The following ARNT2 variants were observed in gnomAD, a reference collection of about 807,000 sequenced individuals.
ARNT2 encodes the protein ARNT protein 2.
Under a neutral mutation model 91.7 loss-of-function variants are expected in ARNT2, and 36 were observed. That is an observed-to-expected ratio of 0.39 (90% CI 0.30 to 0.52). The LOEUF is 0.52. Among genes scored for constraint, ARNT2 ranks in the 20% least tolerant of loss-of-function variants. The pLI is 0.72. For synonymous variants in ARNT2, 365 were observed against 347.1 expected (o/e 1.05, Z -0.57); for missense variants, 775 against 939.3 (o/e 0.83, Z 2.29).
intron 5 of ARNT2, among the ~76,000 whole-genome samples, chr15:80,494,376 G>C (rs1352216947): frequency 6.6e-6 from 1 of 152,114 alleles, no homozygotes; most frequent in African/African-American, 2.4e-5. Flanking sequence ...ATGTCAGCCT[G>C]GTCTCCTGGC....
chr15:80,592,457 A>G (rs1367067780), intron 18 of ARNT2, among the ~76,000 whole-genome samples: 5 of 152,220 alleles, frequency 3.3e-5, no homozygotes, highest in Non-Finnish European at 5.9e-5. Flanking sequence ...TGCATGCCCC[A>G]GGCCTGCCCT....
intron 2 of ARNT2, among the ~76,000 whole-genome samples, chr15:80,451,204 T>G (rs920339709): frequency 1.3e-5 from 2 of 152,234 alleles, no homozygotes; most frequent in Non-Finnish European, 2.9e-5. Context: ...TCTGTTTGCT[T>G]GTCCTTGTGG....
chr15:80,504,624 T>C (rs1034484587), intron 5 of ARNT2, among the ~76,000 whole-genome samples: 1 of 151,918 alleles, frequency 6.6e-6, no homozygotes, highest in African/African-American at 2.4e-5. Context: ...AAAAACAAGC[T>C]GGGCATGGGG....
In ARNT2 at chr15:80,591,783, C is replaced by T; in HGVS notation, c.2055+79C>T. The T allele has an allele frequency of 1.9e-6, 3 of 1,580,086 alleles. No individual in the cohort carries two copies. The highest frequency in any genetic ancestry group is 1.2e-5 in the South Asian group (1 of 86,524). ...CCTTTCCCCCTCGGTCTCTGCCGCA[C>T]CACCGCCTGCCCGATAGCCGTCGTG... On this transcript the variant is annotated intron_variant, in intron 18 of 18. Coordinates refer to ENST00000303329, the MANE Select transcript of ARNT2 (RefSeq NM_014862.4). This position sits in a 1 kb window ranked among gnomAD's most constrained non-coding sequence, Gnocchi z 5.1.
At chr15:80,500,714 T>C (rs530161321) in intron 5 of ARNT2, among the ~76,000 whole-genome samples, 1 of 152,358 alleles carries the variant, frequency 6.6e-6, no homozygotes, top group Non-Finnish European at 1.5e-5. Context: ...AGAGAATGCA[T>C]TTTTGTGAAG....
At chr15:80,405,767 T>G (rs1895591246) in intron 1 of ARNT2, among the ~76,000 whole-genome samples, 1 of 152,120 alleles carries the variant, frequency 6.6e-6, no homozygotes, top group South Asian at 2.1e-4. Context: ...GATTTAACAC[T>G]GAGTTGTTTG....
intron 1 of ARNT2, among the ~76,000 whole-genome samples, chr15:80,424,856 C>T (rs1228645845): frequency 2.6e-5 from 4 of 151,860 alleles, no homozygotes; most frequent in East Asian, 1.9e-4. Context: ...AATTGAAACC[C>T]GGAATCTTTG....
intron 1 of ARNT2, among the ~76,000 whole-genome samples, chr15:80,439,552 A>G (rs941756812): frequency 6.6e-6 from 1 of 152,218 alleles, no homozygotes; most frequent in Non-Finnish European, 1.5e-5. Flanking sequence ...CTATAACATT[A>G]TCTTTGAAAT....
chr15:80,568,351 CTT>C (rs1392288871), intron 12 of ARNT2, among the ~76,000 whole-genome samples: 1 of 152,206 alleles, frequency 6.6e-6, no homozygotes, highest in Non-Finnish European at 1.5e-5. Flanking sequence ...GAAGTTATCT[CTT>C]TGTGTCTGTT....
At chr15:80,551,053 A>T in intron 8 of ARNT2, 146 bp from the exon 9 acceptor site, 1 of 680,676 alleles carries the variant, frequency 1.5e-6, no homozygotes, top group Non-Finnish European at 2.6e-6. Context: ...TGAGTGAGGA[A>T]CTGGTTAATT....
At chr15:80,547,356 A>G (rs901546253) in intron 8 of ARNT2, among the ~76,000 whole-genome samples, 4 of 152,222 alleles carry the variant, frequency 2.6e-5, no homozygotes, top group Non-Finnish European at 5.9e-5. Flanking sequence ...AAAAATGTTT[A>G]AATGCCGGCT....
At chr15:80,529,772 A>G (rs1323719045) in intron 8 of ARNT2, among the ~76,000 whole-genome samples, 1 of 152,096 alleles carries the variant, frequency 6.6e-6, no homozygotes, top group African/African-American at 2.4e-5. Context: ...TTTCCCTGCC[A>G]CTTAGATTTT....
chr15:80,490,780 C>G (rs1353878972), intron 5 of ARNT2, among the ~76,000 whole-genome samples: 1 of 152,244 alleles, frequency 6.6e-6, no homozygotes, highest in Non-Finnish European at 1.5e-5. Context: ...GCACAAGTCA[C>G]TGCACTAGAA....
chr15:80,569,705 G>A (rs1459180594), intron 12 of ARNT2, among the ~76,000 whole-genome samples: 1 of 152,232 alleles, frequency 6.6e-6, no homozygotes, highest in Non-Finnish European at 1.5e-5. Context: ...AAGAGGAACA[G>A]AACTGAAAGC....
At chr15:80,492,819 A>G (rs1897075937) in intron 5 of ARNT2, among the ~76,000 whole-genome samples, 1 of 152,114 alleles carries the variant, frequency 6.6e-6, no homozygotes, top group Non-Finnish European at 1.5e-5. Flanking sequence ...TTCTGAAATC[A>G]TGTTTTTCAT....
chr15:80,516,590 A>G (rs1897437680), intron 8 of ARNT2, among the ~76,000 whole-genome samples: 1 of 151,916 alleles, frequency 6.6e-6, no homozygotes, highest in Admixed American at 6.6e-5. Context: ...TAAACAACAT[A>G]TAGTTGGATC....
intron 5 of ARNT2, 107 bp from the exon 6 acceptor site, chr15:80,508,049 C>T: frequency 9.7e-7 from 1 of 1,033,204 alleles, no homozygotes; most frequent in Non-Finnish European, 1.5e-6. Flanking sequence ...CACAGCCACA[C>T]TTGTCCTCAT....
chr15:80,554,932 C>A, intron 10 of ARNT2, 133 bp from the exon 11 acceptor site: 2 of 922,520 alleles, frequency 2.2e-6, no homozygotes, highest in East Asian at 2.5e-5. Flanking sequence ...CTCACTTTTT[C>A]AAAAAATCTG....
Position 80,424,363 on chromosome 15 carries a change from G to A in ARNT2, c.31+19817G>A, listed in dbSNP as rs114162355. ...TGTCACAGGTTTCAGACTTCATCTG[G>A]TTTGCACACCACTCCCATGAGGTTT... On this transcript the variant is annotated intron_variant, in intron 1 of 18. Coordinates refer to ENST00000303329, the MANE Select transcript of ARNT2 (RefSeq NM_014862.4). Among the ~76,000 whole-genome samples, 942 of 152,314 alleles carry A rather than the reference G, an allele frequency of 6.2e-3. 11 individuals are homozygous for A. Among genetic ancestry groups the A allele is most frequent in the African/African-American group, 0.022 (915 of 41,550 alleles).
Sources: allele counts gnomAD v4.1 joint callset (sites outside exome capture counted in the v4.1 genomes callset), GRCh38; gene constraint gnomAD v4.1.1; non-coding constraint Gnocchi (gnomAD v3.1); transcripts MANE v1.5; gene names NCBI Gene and HGNC (gene_info 2026-07-23, HGNC 2026-07-21).